Variants in BARD1 observed in about 807,000 individuals in gnomAD.
The protein encoded by BARD1 is BRCA1-associated RING domain protein 1.
BARD1 carries 73 observed loss-of-function variants against 77.0 expected under a neutral mutation model. The observed-to-expected ratio is 0.95, with a 90% CI of 0.79 to 1.15. The LOEUF (loss-of-function observed/expected upper bound fraction) is 1.15, where lower values mean the gene tolerates loss of function less well. BARD1 is among the 50% of genes most tolerant of loss of function. The pLI, the probability that BARD1 is intolerant of heterozygous loss-of-function variation, is 0.00. For missense variants in BARD1, 993 were observed against 938.8 expected (o/e 1.06, Z -0.75); for synonymous variants, 384 against 338.0 (o/e 1.14, Z -1.49).
chr2:214,773,148 CAT>C (rs1211698195), intron 4 of BARD1, among the ~76,000 whole-genome samples: 20 of 152,314 alleles, frequency 1.3e-4, no homozygotes, highest in African/African-American at 4.8e-4. Flanking sequence ...CAGATCCACA[CAT>C]ATTCCAACAA....
intron 2 of BARD1, among the ~76,000 whole-genome samples, chr2:214,796,308 T>C (rs1026135315): frequency 6.6e-6 from 1 of 152,136 alleles, no homozygotes; most frequent in African/African-American, 2.4e-5. Flanking sequence ...GATGTTTGAG[T>C]CTTCACCCCT....
intron 2 of BARD1, among the ~76,000 whole-genome samples, chr2:214,793,623 G>C (rs1026382736): frequency 6.6e-6 from 1 of 152,096 alleles, no homozygotes; most frequent in Non-Finnish European, 1.5e-5. Context: ...CTCATTTTTG[G>C]ATGAAGAAAA....
intron 4 of BARD1, among the ~76,000 whole-genome samples, chr2:214,774,761 T>A (rs1270906783): frequency 3.3e-5 from 5 of 152,232 alleles, no homozygotes; most frequent in Admixed American, 3.3e-4. Flanking sequence ...TGTTTCAACT[T>A]CACTGAAATC....
chr2:214,807,038 A>ATT (rs556736253), intron 1 of BARD1, among the ~76,000 whole-genome samples: 1 of 152,246 alleles, frequency 6.6e-6, no homozygotes, highest in South Asian at 2.1e-4. Flanking sequence ...GCCCTTAAGG[A>ATT]AAGAATGGTT....
intron 1 of BARD1, among the ~76,000 whole-genome samples, chr2:214,799,416 T>C (rs1302747031): frequency 2.0e-5 from 3 of 152,232 alleles, no homozygotes; most frequent in Admixed American, 2.0e-4. Context: ...AACAAATGAA[T>C]AGATGGCTAT....
At chr2:214,791,470 T>C (rs544848662) in intron 3 of BARD1, among the ~76,000 whole-genome samples, 22 of 152,282 alleles carry the variant, frequency 1.4e-4, no homozygotes, top group African/African-American at 4.8e-4. Flanking sequence ...CACACTAAAA[T>C]AGCATGATCT....
intron 6 of BARD1, among the ~76,000 whole-genome samples, chr2:214,758,716 T>G (rs1449879025): frequency 2.0e-5 from 3 of 152,224 alleles, no homozygotes; most frequent in Admixed American, 2.0e-4. Context: ...AGGGCTAAAC[T>G]GTGGTGTTCA....
chr2:214,779,267 T>C (rs1173251261), intron 4 of BARD1, among the ~76,000 whole-genome samples: 1 of 152,136 alleles, frequency 6.6e-6, no homozygotes, highest in African/African-American at 2.4e-5. Flanking sequence ...ATTCCTCATA[T>C]AAAATGATGT....
At chr2:214,755,146 T>C (rs1268393188) in intron 6 of BARD1, among the ~76,000 whole-genome samples, 2 of 152,178 alleles carry the variant, frequency 1.3e-5, no homozygotes, top group Admixed American at 1.3e-4. Context: ...AGGTACTACA[T>C]ACAGGAAAAG....
chr2:214,802,455 T>C (rs1032754101), intron 1 of BARD1, among the ~76,000 whole-genome samples: 2 of 152,222 alleles, frequency 1.3e-5, no homozygotes, highest in African/African-American at 4.8e-5. Context: ...TACTATGGGT[T>C]GATCCAGACA....
At chr2:214,806,133 G>A (rs1000895484) in intron 1 of BARD1, among the ~76,000 whole-genome samples, 4 of 151,988 alleles carry the variant, frequency 2.6e-5, no homozygotes, top group Admixed American at 6.6e-5. Context: ...CACTTTCATC[G>A]GCTTCACCTT....
intron 9 of BARD1, among the ~76,000 whole-genome samples, chr2:214,740,027 A>G (rs6435850): frequency 0.034 from 5,188 of 152,166 alleles, 282 homozygotes; most frequent in African/African-American, 0.12. Flanking sequence ...AAAATAGTCT[A>G]TCTCTTGTAT....
At chr2:214,771,924 G>GA (rs10602414) in intron 4 of BARD1, among the ~76,000 whole-genome samples, 37,310 of 106,986 alleles carry the variant, frequency 0.35, 5,708 homozygotes, top group East Asian at 0.45. Flanking sequence ...CCAGTTTCAG[G>GA]AAAAAAAAAA....
At position 214,730,497 on chromosome 2, in the gene BARD1, A is replaced by T; in HGVS notation, c.1915T>A (p.Cys639Ser). 1 of 1,613,928 alleles carries T rather than the reference A, an allele frequency of 6.2e-7. No individual in the cohort carries two copies. The highest frequency in any genetic ancestry group is 1.1e-5 in the South Asian group (1 of 91,080). ...WILKFEWVKA[C>S]LRRKVCEQEE... ...TGTTCACATACTTTTCTTCGTAGAC[A>T]TGCTTTTACCCCTGACAAAAACACA... The change falls in exon 10 of 11, where the codon TGT becomes AGT. Residue 639 changes from cysteine (C) to serine (S), a missense_variant. Transcript: ENST00000260947.
intron 9 of BARD1, among the ~76,000 whole-genome samples, chr2:214,737,623 T>A (rs1414548649): frequency 6.6e-6 from 1 of 152,116 alleles, no homozygotes; most frequent in Non-Finnish European, 1.5e-5. Context: ...TTGAGTTGAT[T>A]TACTGAAAAG....
At chr2:214,763,477 T>C (rs775790710) in intron 6 of BARD1, among the ~76,000 whole-genome samples, 1 of 152,300 alleles carries the variant, frequency 6.6e-6, no homozygotes, top group African/African-American at 2.4e-5. Context: ...AGAGAAAACT[T>C]CAACCTTGAG....
At chr2:214,760,725 C>T (rs1043350020) in intron 6 of BARD1, among the ~76,000 whole-genome samples, 1 of 151,840 alleles carries the variant, frequency 6.6e-6, no homozygotes, top group African/African-American at 2.4e-5. Context: ...AAATCACAGC[C>T]TCAGATAAAA....
At chr2:214,802,646 T>C (rs1696078188) in intron 1 of BARD1, among the ~76,000 whole-genome samples, 1 of 152,206 alleles carries the variant, frequency 6.6e-6, no homozygotes, top group East Asian at 1.9e-4. Context: ...TTCAATAAGT[T>C]CTTAGTGAAT....
At chr2:214,736,777 AGTCTT>A (rs1222450848) in intron 9 of BARD1, among the ~76,000 whole-genome samples, 5 of 152,148 alleles carry the variant, frequency 3.3e-5, no homozygotes, top group African/African-American at 4.8e-5. Flanking sequence ...AGCCAGTGTA[AGTCTT>A]AATTCATTAA....
Sources: allele counts gnomAD v4.1 joint callset (sites outside exome capture counted in the v4.1 genomes callset), GRCh38; gene constraint gnomAD v4.1.1; transcripts MANE v1.5; gene names NCBI Gene and HGNC (gene_info 2026-07-23, HGNC 2026-07-21).